ABCB5: variants seen among roughly 807,000 people sequenced by gnomAD.
ABCB5 encodes ATP-binding cassette sub-family B member 5.
A neutral mutation model predicts 144.2 loss-of-function variants in ABCB5; 155 were observed. That is an observed-to-expected ratio of 1.08 (90% CI 0.94 to 1.23). The LOEUF (loss-of-function observed/expected upper bound fraction) is 1.23, where lower values mean the gene tolerates loss of function less well. ABCB5 is among the 50% of genes most tolerant of loss of function. The pLI is 0.00. For synonymous variants in ABCB5, 610 were observed against 528.6 expected, an observed-to-expected ratio of 1.15 and a Z score of -2.11; for missense variants, 1,830 against 1,520.8, an observed-to-expected ratio of 1.20 and a Z score of -3.38.
chr7:20,643,438 C>T, intron 6 of ABCB5, 23 bp from the exon 7 acceptor site: 1 of 1,613,738 alleles, frequency 6.2e-7, no homozygotes, highest in Admixed American at 1.7e-5. Flanking sequence ...AATGACCTAA[C>T]TACATTTATT....
At chr7:20,664,247 G>T (rs1224506601) in intron 14 of ABCB5, among the ~76,000 whole-genome samples, 2 of 151,864 alleles carry the variant, frequency 1.3e-5, no homozygotes, top group Non-Finnish European at 2.9e-5. Context: ...AGCCTTTTTT[G>T]GAAAACCACA....
intron 20 of ABCB5, among the ~76,000 whole-genome samples, chr7:20,720,941 C>A (rs1781845392): frequency 2.1e-5 from 1 of 46,604 alleles, no homozygotes; most frequent in Admixed American, 3.3e-4. Context: ...GAAACTCTGC[C>A]TCAAAAAAAA....
intron 23 of ABCB5, 104 bp from the exon 24 acceptor site, chr7:20,738,879 C>A: frequency 2.3e-6 from 3 of 1,314,198 alleles, no homozygotes; most frequent in South Asian, 1.8e-5. Flanking sequence ...CCGTCTACAT[C>A]AAAAGATTAT....
intron 14 of ABCB5, chr7:20,666,894 A>G: frequency 3.0e-6 from 4 of 1,327,918 alleles, no homozygotes; most frequent in Non-Finnish European, 3.9e-6. Context: ...CATCAGCTCA[A>G]ATTTTCCTGA....
chr7:20,687,838 T>G (rs1013765352), intron 16 of ABCB5, among the ~76,000 whole-genome samples: 1 of 152,134 alleles, frequency 6.6e-6, no homozygotes. Flanking sequence ...TGAGCTATGA[T>G]CATGCCACTG....
intron 20 of ABCB5, among the ~76,000 whole-genome samples, chr7:20,719,568 G>A (rs1253581021): frequency 2.0e-5 from 3 of 152,166 alleles, no homozygotes; most frequent in African/African-American, 7.2e-5. Context: ...AAGAGTGCTG[G>A]CCTTCCGTCA....
At chr7:20,655,703 A>C (rs138123733) in intron 13 of ABCB5, among the ~76,000 whole-genome samples, 37 of 152,340 alleles carry the variant, frequency 2.4e-4, no homozygotes, top group African/African-American at 8.7e-4. Context: ...TAGAAACTCC[A>C]TATTTTTAAA....
intron 23 of ABCB5, among the ~76,000 whole-genome samples, chr7:20,730,103 T>C (rs552767962): frequency 1.3e-5 from 2 of 152,184 alleles, no homozygotes; most frequent in South Asian, 4.1e-4. Context: ...CAGTCCAGAG[T>C]TCACCAACCC....
intron 21 of ABCB5, among the ~76,000 whole-genome samples, chr7:20,724,649 A>AAAAG (rs1554288700): frequency 5.7e-5 from 8 of 139,452 alleles, no homozygotes; most frequent in East Asian, 2.1e-4. Flanking sequence ...AAAAAAAAAA[A>AAAAG]GGGTGTTCCT....
At position 20,754,944 on chromosome 7, in the gene ABCB5, G is replaced by A. The variant is rs557428794; in HGVS notation, c.3577-483G>A. On this transcript the variant is annotated intron_variant, in intron 27 of 27. Transcript: ENST00000404938. ...GAAAGTCTTACATAATTTATCTGTA[G>A]CTAATCTTTCTTTTTTTTTTTTGAG... Among the ~76,000 whole-genome samples, 6 of 151,776 alleles carry A rather than the reference G, an allele frequency of 4.0e-5. No homozygotes were observed. In the South Asian group the frequency reaches 1.3e-3, roughly 32 times the overall value.
At chr7:20,748,455 G>C (rs1157306769) in intron 26 of ABCB5, among the ~76,000 whole-genome samples, 1 of 151,982 alleles carries the variant, frequency 6.6e-6, no homozygotes, top group Admixed American at 6.6e-5. Context: ...TTCAAGACCA[G>C]CCTGGCCAAC....
intron 9 of ABCB5, 88 bp downstream of exon 9, chr7:20,646,226 C>A: frequency 8.0e-7 from 1 of 1,249,668 alleles, no homozygotes; most frequent in Non-Finnish European, 1.1e-6. Context: ...GATAAATATT[C>A]AAAGATGGAT....
intron 14 of ABCB5, among the ~76,000 whole-genome samples, chr7:20,668,557 T>A (rs1237104820): frequency 6.7e-6 from 1 of 150,058 alleles, no homozygotes; most frequent in East Asian, 2.1e-4. Flanking sequence ...GAGGAGCGTC[T>A]CCGCCCGGCA....
At chr7:20,630,458 A>T (rs1172651912) in intron 4 of ABCB5, among the ~76,000 whole-genome samples, 5 of 152,106 alleles carry the variant, frequency 3.3e-5, no homozygotes, top group African/African-American at 1.2e-4. Context: ...TACGTGTGCT[A>T]ATCTTGAGTG....
intron 20 of ABCB5, among the ~76,000 whole-genome samples, chr7:20,707,602 G>C (rs1344098041): frequency 6.6e-6 from 1 of 152,142 alleles, no homozygotes. Flanking sequence ...CCACAAGAAA[G>C]TGTGTTATTG....
In ABCB5 at chr7:20,700,150, GA is replaced by G; in HGVS notation, c.2337+16del. The G allele has an allele frequency of 6.9e-7, 1 of 1,454,464 alleles. No homozygotes were observed. The highest frequency in any genetic ancestry group is 2.5e-5 in the East Asian group (1 of 40,246). The allele number at this position is 1,454,464 out of a possible 1,614,324, so 90.1% of individuals were successfully genotyped here. A position where few individuals can be genotyped will look rare whatever the true frequency, so the allele number is the denominator to read the frequency against. Reference sequence around the variant, plus strand: ...TGTTATATCAGGTCAGTGATAAGTTGATTTTTTTTTTATTTTATTTAAAATT... The same window carrying G: ...TGTTATATCAGGTCAGTGATAAGTTGTTTTTTTTTTATTTTATTTAAAATT... On this transcript the variant is annotated intron_variant, in intron 19 of 27. Coordinates refer to ENST00000404938, the MANE Select transcript of ABCB5 (RefSeq NM_001163941.2).
intron 16 of ABCB5, among the ~76,000 whole-genome samples, chr7:20,686,055 A>G (rs980014012): frequency 3.3e-5 from 5 of 151,808 alleles, no homozygotes; most frequent in East Asian, 3.9e-4. Context: ...TTTATTGGGG[A>G]AAAAAAAATC....
chr7:20,704,551 T>C (rs948659763), intron 19 of ABCB5, among the ~76,000 whole-genome samples, 173 bp from the exon 20 acceptor site: 15 of 152,200 alleles, frequency 9.9e-5, no homozygotes, highest in East Asian at 9.6e-4. Flanking sequence ...TATATAAATA[T>C]AGATCTTCAT....
intron 23 of ABCB5, among the ~76,000 whole-genome samples, chr7:20,737,083 A>G (rs1008273512): frequency 6.6e-6 from 1 of 151,896 alleles, no homozygotes; most frequent in Non-Finnish European, 1.5e-5. Flanking sequence ...GCTTGAACCC[A>G]GGAGATGGAG....
Sources: gnomAD v4.1 joint callset for allele counts (sites outside exome capture counted in the v4.1 genomes callset) on GRCh38, gnomAD v4.1.1 for gene constraint, MANE v1.5 for transcripts, NCBI Gene and HGNC (gene_info 2026-07-23, HGNC 2026-07-21) for gene names.